MATN2: variants seen among roughly 807,000 people sequenced by gnomAD.
MATN2 encodes the protein matrilin 2, also known as matrilin-2.
In MATN2, 69 loss-of-function variants were observed where a neutral mutation model predicts 103.2. The ratio of observed to expected loss-of-function variants is 0.67; its 90% confidence interval spans 0.55 to 0.82. The LOEUF (loss-of-function observed/expected upper bound fraction) is 0.82. Ranked by LOEUF, MATN2 falls within the 40% of genes least tolerant of loss-of-function variation. The pLI, the probability that MATN2 is intolerant of heterozygous loss-of-function variation, is 0.00. For missense variants in MATN2, 1,023 were observed against 1,211.5 expected (o/e 0.84, Z 2.31); for synonymous variants, 429 against 450.2 (o/e 0.95, Z 0.60).
chr8:98,006,820 C>T (rs1586149841), intron 8 of MATN2, among the ~76,000 whole-genome samples: 1 of 152,172 alleles, frequency 6.6e-6, no homozygotes, highest in East Asian at 1.9e-4. Flanking sequence ...GTGTCAGGCA[C>T]CTGTAACCCC....
intron 6 of MATN2, among the ~76,000 whole-genome samples, chr8:97,991,736 AT>A (rs1812396053): frequency 6.8e-6 from 1 of 147,130 alleles, no homozygotes; most frequent in Non-Finnish European, 1.5e-5. Flanking sequence ...AAAAAAAAAA[AT>A]TCTTTTTTCA....
At chr8:97,976,510 T>G (rs934697860) in intron 5 of MATN2, among the ~76,000 whole-genome samples, 1 of 152,270 alleles carries the variant, frequency 6.6e-6, no homozygotes, top group African/African-American at 2.4e-5. Context: ...TTTATTGCTA[T>G]GCTAAATATG....
chr8:97,963,177 AC>A (rs1811369400), intron 5 of MATN2, among the ~76,000 whole-genome samples: 1 of 152,224 alleles, frequency 6.6e-6, no homozygotes, highest in African/African-American at 2.4e-5. Flanking sequence ...TAAAGATTTA[AC>A]AAAATGAGGT....
intron 2 of MATN2, among the ~76,000 whole-genome samples, chr8:97,919,675 A>AC (rs1370157743): frequency 6.6e-6 from 1 of 150,948 alleles, no homozygotes; most frequent in African/African-American, 2.4e-5. Context: ...TGCCCTCCCA[A>AC]ACCCCCACCC....
chr8:98,034,350 A>T lies in MATN2; in HGVS notation c.2815+691A>T, dbSNP rs79417422. On this transcript the variant is annotated intron_variant, in intron 18 of 18. Transcript: ENST00000254898. Reference sequence around the variant, plus strand: ...TGCCAAGTGCTCTAAACTTAAAATTACAGTAAGCGTACTAAAGCTGGCTGA... The same window carrying T: ...TGCCAAGTGCTCTAAACTTAAAATTTCAGTAAGCGTACTAAAGCTGGCTGA... 2,732 of 367,518 alleles carry T rather than the reference A, an allele frequency of 7.4e-3. 15 individuals carry two copies. The highest frequency in any genetic ancestry group is 0.011 in the Non-Finnish European group (2,069 of 184,554). The allele number at this position is 367,518 out of a possible 1,614,324, so 22.8% of individuals were successfully genotyped here. A position where few individuals can be genotyped will look rare whatever the true frequency, so the allele number is the denominator to read the frequency against.
At chr8:97,998,672 T>A (rs199787125) in intron 7 of MATN2, among the ~76,000 whole-genome samples, 18,273 of 149,322 alleles carry the variant, frequency 0.12, 1,236 homozygotes, top group Admixed American at 0.21. Context: ...ATTTTAAAAA[T>A]TTTTTTTTAT....
At chr8:97,981,588 GCA>G (rs752301445) in intron 6 of MATN2, among the ~76,000 whole-genome samples, 4 of 152,194 alleles carry the variant, frequency 2.6e-5, no homozygotes, top group Non-Finnish European at 4.4e-5. Flanking sequence ...ACAGTGTGAT[GCA>G]GCCAGGACCA....
chr8:98,006,997 C>A, intron 8 of MATN2, 108 bp from the exon 9 acceptor site: 2 of 1,195,970 alleles, frequency 1.7e-6, no homozygotes, highest in Non-Finnish European at 2.4e-6. Context: ...GGTAGAATGA[C>A]ACCTTCCCTG....
At chr8:98,001,231 A>G (rs554526605) in intron 7 of MATN2, among the ~76,000 whole-genome samples, 1 of 152,318 alleles carries the variant, frequency 6.6e-6, no homozygotes, top group Admixed American at 6.5e-5. Flanking sequence ...TGACAAGTCC[A>G]AAGGTGGTTG....
At chr8:98,028,984 C>G (rs1813912707) in intron 14 of MATN2, among the ~76,000 whole-genome samples, 1 of 152,152 alleles carries the variant, frequency 6.6e-6, no homozygotes, top group South Asian at 2.1e-4. Flanking sequence ...TCATCTAAGA[C>G]TTTATGGACC....
intron 1 of MATN2, among the ~76,000 whole-genome samples, chr8:97,884,845 T>A (rs1288123003): frequency 1.3e-5 from 2 of 152,200 alleles, no homozygotes; most frequent in Non-Finnish European, 2.9e-5. Flanking sequence ...TGCCAGGCAG[T>A]GTTTGAAGTG....
intron 3 of MATN2, among the ~76,000 whole-genome samples, chr8:97,933,800 G>A (rs988914383): frequency 3.3e-5 from 5 of 152,114 alleles, no homozygotes; most frequent in Non-Finnish European, 1.5e-5. Context: ...GCACTGCCCG[G>A]CTTTGCTCAG....
chr8:97,923,474 TAA>T (rs1809880845), intron 2 of MATN2, among the ~76,000 whole-genome samples: 1 of 152,196 alleles, frequency 6.6e-6, no homozygotes, highest in Admixed American at 6.5e-5. Context: ...AATCATCCTT[TAA>T]TAGCTTTGAG....
At chr8:97,946,586 CCTA>C (rs921036490) in intron 4 of MATN2, among the ~76,000 whole-genome samples, 58 of 152,282 alleles carry the variant, frequency 3.8e-4, no homozygotes, top group African/African-American at 1.3e-3. Context: ...GAATTCCTGT[CCTA>C]CTAAGAAAGA....
chr8:97,890,525 T>C (rs1330370278), intron 2 of MATN2, among the ~76,000 whole-genome samples: 27 of 150,418 alleles, frequency 1.8e-4, no homozygotes, highest in Non-Finnish European at 3.1e-4. Context: ...GCAAACACTA[T>C]AGCTGTGGCC....
intron 6 of MATN2, among the ~76,000 whole-genome samples, chr8:97,988,171 A>AAAT (rs1252963740): frequency 5.0e-4 from 23 of 46,106 alleles, no homozygotes; most frequent in Non-Finnish European, 8.6e-4. Flanking sequence ...AAAAAAAAAA[A>AAAT]ATATATATAT....
chr8:97,893,848 T>C (rs1175937145), intron 2 of MATN2, among the ~76,000 whole-genome samples: 1 of 152,094 alleles, frequency 6.6e-6, no homozygotes, highest in Non-Finnish European at 1.5e-5. Flanking sequence ...CGGCCCCCAG[T>C]GTATTCTTGA....
chr8:98,035,112 C>G (rs560255742), intron 18 of MATN2, among the ~76,000 whole-genome samples: 3 of 152,030 alleles, frequency 2.0e-5, no homozygotes, highest in Non-Finnish European at 2.9e-5. Flanking sequence ...AATCCCAGCA[C>G]TTTGGGAGGC....
intron 2 of MATN2, among the ~76,000 whole-genome samples, chr8:97,910,601 G>A (rs1289009283): frequency 6.6e-6 from 1 of 152,182 alleles, no homozygotes; most frequent in Non-Finnish European, 1.5e-5. Context: ...GCACCCTACA[G>A]TTTTAGCAAG....
Sources: gnomAD v4.1 joint callset for allele counts (sites outside exome capture counted in the v4.1 genomes callset) on GRCh38, gnomAD v4.1.1 for gene constraint, MANE v1.5 for transcripts, NCBI Gene and HGNC (gene_info 2026-07-23, HGNC 2026-07-21) for gene names.